Variants in KDM1B observed in about 807,000 individuals in gnomAD.
The protein encoded by KDM1B is lysine-specific histone demethylase 2.
Under a neutral mutation model 107.4 loss-of-function variants are expected in KDM1B, and 63 were observed. The ratio of observed to expected loss-of-function variants is 0.59; its 90% CI spans 0.48 to 0.72. The LOEUF is 0.72. KDM1B is among the 30% of genes least tolerant of loss of function. The pLI is 0.00. For missense variants in KDM1B, 749 were observed against 1,020.8 expected (o/e 0.73, Z 3.63); for synonymous variants, 363 against 363.9 (o/e 1.00, Z 0.03).
At position 18,201,685 on chromosome 6, in the gene KDM1B, T is replaced by G; in HGVS notation, c.1531+28T>G. ...ATGGGGAGAACGGTGTTCTGATTGT[T>G]CCATCTCAGTTTCGTTGTTACCTAA... On this transcript the variant is annotated intron_variant, in intron 14 of 21. Transcript: ENST00000650836. The surrounding 1 kb of genome is among the most constrained non-coding windows in gnomAD (Gnocchi z 4.3). The G allele has an allele frequency of 1.3e-6, 2 of 1,513,416 alleles. No individual in the cohort carries two copies. The highest frequency in any genetic ancestry group is 4.9e-5 in the East Asian group (2 of 40,448). The allele number at this position is 1,513,416 out of a possible 1,614,324, so 93.7% of individuals were successfully genotyped here. A position where few individuals can be genotyped will look rare whatever the true frequency, so the allele number is the denominator to read the frequency against.
In KDM1B at chr6:18,223,580, C is replaced by T. The variant is rs1789960625; in HGVS notation, c.*1588C>T. ...AACAGTAAATTATTATGTTAGTTTCCAGGCACTTGAACTGTGCTACAAGTA... is the reference window on the plus strand; with the variant it reads ...AACAGTAAATTATTATGTTAGTTTCTAGGCACTTGAACTGTGCTACAAGTA... On this transcript the variant is annotated 3_prime_UTR_variant, in exon 22 of 22. Transcript: ENST00000650836. The T allele has an allele frequency of 6.6e-6, 1 of 152,054 alleles. No individual in the cohort carries two copies. Among genetic ancestry groups the T allele is most frequent in the South Asian group, 2.1e-4 (1 of 4,824 alleles). The allele number at this position is 152,054 out of a possible 1,614,324, so 9.4% of individuals were successfully genotyped here. A position where few individuals can be genotyped will look rare whatever the true frequency, so the allele number is the denominator to read the frequency against.
chr6:18,176,494 G>A (rs1210850624), intron 7 of KDM1B, among the ~76,000 whole-genome samples: 1 of 152,128 alleles, frequency 6.6e-6, no homozygotes, highest in Non-Finnish European at 1.5e-5. Context: ...GTACTATGTT[G>A]AAGAGGAGTG....
intron 21 of KDM1B, among the ~76,000 whole-genome samples, chr6:18,221,073 CCTCA>C (rs1789688045): frequency 6.6e-6 from 1 of 151,986 alleles, no homozygotes; most frequent in African/African-American, 2.4e-5. Context: ...GGCTTCCTTC[CCTCA>C]CTGCCACTTT....
In KDM1B at chr6:18,200,475, C is replaced by A. The variant is rs549703362; in HGVS notation, c.1258C>A (p.Arg420=). 5.6e-6 allele frequency: 9 copies of A among 1,613,838 alleles called. No individual in the cohort carries two copies. The South Asian group carries it at 7.7e-5, about 14-fold the overall frequency. Residue 420 remains arginine (R), a synonymous_variant, in exon 13 of 22, where the codon CGA becomes AGA. Coordinates refer to ENST00000650836, the MANE Select transcript of KDM1B (RefSeq NM_001364614.2). This position sits in a 1 kb window ranked among gnomAD's most constrained non-coding sequence, Gnocchi z 4.3. ...GGAAGCCAAAGACAGAATTGGAGGC[C>A]GAGTCTGGGATGATAAATCTTTTAA... The part of the protein sequence containing the change: ...VLEAKDRIGG[R]VWDDKSFKGV...
intron 21 of KDM1B, among the ~76,000 whole-genome samples, chr6:18,221,126 A>C (rs1291542581): frequency 6.6e-6 from 1 of 150,496 alleles, no homozygotes. Context: ...TGATGTAATC[A>C]CTCCCCCATT....
intron 8 of KDM1B, among the ~76,000 whole-genome samples, chr6:18,187,192 A>G (rs1380203613): frequency 6.6e-6 from 1 of 152,068 alleles, no homozygotes; most frequent in Admixed American, 6.5e-5. Flanking sequence ...TGTTAAGTCA[A>G]CTCTGGAACA....
chr6:18,199,008 G>GAAAAA (rs70974711), intron 12 of KDM1B, among the ~76,000 whole-genome samples: 4 of 74,696 alleles, frequency 5.4e-5, no homozygotes, highest in African/African-American at 8.7e-5. Flanking sequence ...GTCTCTACCA[G>GAAAAA]AAAAAAAAAA....
intron 7 of KDM1B, among the ~76,000 whole-genome samples, chr6:18,181,520 T>G (rs1786475671): frequency 6.6e-6 from 1 of 152,138 alleles, no homozygotes; most frequent in Non-Finnish European, 1.5e-5. Context: ...ATTTCAGCCC[T>G]TTGGGAGGCT....
At chr6:18,219,368 G>A (rs1217848628) in intron 21 of KDM1B, among the ~76,000 whole-genome samples, 1 of 151,962 alleles carries the variant, frequency 6.6e-6, no homozygotes, top group Non-Finnish European at 1.5e-5. Context: ...TTTCTTTCTA[G>A]AGATTCTGTT....
chr6:18,206,140 T>G (rs1788353072), intron 15 of KDM1B, among the ~76,000 whole-genome samples: 1 of 141,412 alleles, frequency 7.1e-6, no homozygotes, highest in Admixed American at 7.3e-5. Flanking sequence ...TGGTTTTGGT[T>G]GTTTTTTAAA....
At chr6:18,217,492 A>C (rs550191916) in intron 20 of KDM1B, among the ~76,000 whole-genome samples, 17 of 149,250 alleles carry the variant, frequency 1.1e-4, no homozygotes, top group East Asian at 2.0e-4. Flanking sequence ...CATTCTCCTG[A>C]CTCAGCCTCC....
Position 18,207,311 on chromosome 6 carries a change from G to A in KDM1B, c.1660-87G>A, listed in dbSNP as rs1385624463. The A allele has an allele frequency of 4.0e-6, 6 of 1,496,462 alleles. No individual in the cohort carries two copies. In the East Asian group the frequency reaches 1.4e-4, roughly 34 times the overall value. 92.7% of individuals were successfully genotyped at this position (1,496,462 alleles called of 1,614,324 possible). A position where few individuals can be genotyped will look rare whatever the true frequency, so the allele number is the denominator to read the frequency against. On this transcript the variant is annotated intron_variant, in intron 15 of 21. Transcript: ENST00000650836. ...CCCCTGCCCTCCTGCCTTGGTGGCT[G>A]TTCCCACCTGGAGCTCCTCATATTG...
Position 18,159,975 on chromosome 6 carries a change from G to C in KDM1B, c.80G>C (p.Gly27Ala). 3 of 1,594,846 alleles carry C rather than the reference G, an allele frequency of 1.9e-6. No individual in the cohort carries two copies. Among genetic ancestry groups the C allele is most frequent in the South Asian group, 2.3e-5 (2 of 86,854 alleles). The change falls in exon 3 of 22, where the codon GGT (glycine) becomes GCT (alanine). Residue 27 changes from glycine (G) to alanine (A), a missense_variant. By Grantham distance (60) the Gly-to-Ala change is moderately conservative (BLOSUM62 0). Coordinates refer to ENST00000650836, the MANE Select transcript of KDM1B (RefSeq NM_001364614.2). This position sits in a 1 kb window ranked among gnomAD's most constrained non-coding sequence, Gnocchi z 4.5. The stretch of plus-strand genomic sequence containing the variant: ...GATAGCCTTCCTTTGAGGAGCTCCG[G>C]TAGGCAGGTAGTGTTCATTTATTCA... ...SPDSLPLRSS[G>A]RQAKKKATET... is the part of the protein sequence containing the mutation.
chr6:18,200,382 T>C lies in KDM1B; in HGVS notation c.1222-57T>C, dbSNP rs1787955919. 5 of 1,517,754 alleles carry C rather than the reference T, an allele frequency of 3.3e-6. No homozygotes were observed. The highest frequency in any genetic ancestry group is 4.6e-5 in the East Asian group (2 of 43,922). 94.0% of individuals were successfully genotyped at this position (1,517,754 alleles called of 1,614,324 possible). ...GTGTCCTTCTACATTTTTATAATAC[T>C]GTGTCTGATATAACTCTTGTGTCCT... On this transcript the variant is annotated intron_variant, in intron 12 of 21. Transcript: ENST00000650836. The surrounding 1 kb of genome is among the most constrained non-coding windows in gnomAD (Gnocchi z 4.3).
chr6:18,208,603 G>GTGTGTGTATATATATATA (rs1359166965), intron 17 of KDM1B, among the ~76,000 whole-genome samples: 9 of 34,916 alleles, frequency 2.6e-4, no homozygotes, highest in Admixed American at 1.1e-3. Context: ...GTATGTGTAT[G>GTGTGTGTATATATATATA]TATATATATA....
Position 18,186,381 on chromosome 6 carries a change from G to A in KDM1B, c.573+571G>A, listed in dbSNP as rs1206722622. Among the ~76,000 whole-genome samples the A allele has an allele frequency of 6.6e-6, 1 of 152,152 alleles. No individual in the cohort carries two copies. Among genetic ancestry groups the A allele is most frequent in the Non-Finnish European group, 1.5e-5 (1 of 68,030 alleles). The stretch of plus-strand genomic sequence containing the variant: ...TACCATGTAACCAGATTCGGTGACT[G>A]TTTCAGAAAAGAGGTTTTTAAATTT... On this transcript the variant is annotated intron_variant, in intron 8 of 21. Transcript: ENST00000650836. This position sits in a 1 kb window ranked among gnomAD's most constrained non-coding sequence, Gnocchi z 5.6.
chr6:18,172,815 C>T lies in KDM1B; in HGVS notation c.534+1336C>T, dbSNP rs747715272. Reference sequence around the variant, plus strand: ...TAAAAACATATTAGGAGTGGTTGGGCGCGGTGGCTCACACCTGTAATCCCA... The same window carrying T: ...TAAAAACATATTAGGAGTGGTTGGGTGCGGTGGCTCACACCTGTAATCCCA... On this transcript the variant is annotated intron_variant, in intron 7 of 21. Transcript: ENST00000650836. This position sits in a 1 kb window ranked among gnomAD's most constrained non-coding sequence, Gnocchi z 5.2. 3.3e-5 allele frequency among the ~76,000 whole-genome samples: 5 copies of T among 151,928 alleles called. No individual in the cohort carries two copies. The highest frequency in any genetic ancestry group is 9.7e-5 in the African/African-American group (4 of 41,368).
At chr6:18,199,035 A>T (rs1347519777) in intron 12 of KDM1B, among the ~76,000 whole-genome samples, 13 of 143,214 alleles carry the variant, frequency 9.1e-5, no homozygotes, top group Non-Finnish European at 2.0e-4. Context: ...AAAAAAAAAG[A>T]AAAAAACAGA....
intron 7 of KDM1B, among the ~76,000 whole-genome samples, chr6:18,180,219 A>G (rs1329955078): frequency 1.3e-5 from 2 of 151,958 alleles, no homozygotes; most frequent in Non-Finnish European, 2.9e-5. Context: ...GCGTGGCTGC[A>G]CTGATGGGAG....
Sources: gnomAD v4.1 joint callset for allele counts (sites outside exome capture counted in the v4.1 genomes callset) on GRCh38, gnomAD v4.1.1 for gene constraint, Gnocchi (gnomAD v3.1) non-coding constraint, MANE v1.5 for transcripts, NCBI Gene and HGNC (gene_info 2026-07-23, HGNC 2026-07-21) for gene names.